The following KIF24 variants were observed in gnomAD, a reference collection of about 807,000 sequenced individuals.
The protein encoded by KIF24 is kinesin family member 24, also known as kinesin-like protein KIF24.
In KIF24, 81 loss-of-function variants were observed where a neutral mutation model predicts 118.9. That is an observed-to-expected ratio of 0.68 (90% CI 0.57 to 0.82). The LOEUF is 0.82. Among genes scored for constraint, KIF24 ranks in the 40% least tolerant of loss-of-function variants. The pLI is 0.00. For missense variants in KIF24, 1,560 were observed against 1,661.6 expected, an observed-to-expected ratio of 0.94 and a Z score of 1.06; for synonymous variants, 599 against 610.0, an observed-to-expected ratio of 0.98 and a Z score of 0.27.
chr9:34,256,370 A>G lies in KIF24; in HGVS notation c.3237T>C (p.Ser1079=). ...EQLVQDGATH[S]LVAESTGGPV... is the part of the protein sequence containing the mutation. ...GGCCCCCTGTGCTCTCTGCCACTAGACTGTGCGTAGCCCCATCCTGGACCA... is the reference window on the plus strand; with the variant it reads ...GGCCCCCTGTGCTCTCTGCCACTAGGCTGTGCGTAGCCCCATCCTGGACCA... The change falls in exon 11 of 13, where the codon AGT becomes AGC. Residue 1079 remains serine, a synonymous_variant. Coordinates refer to ENST00000402558, the MANE Select transcript of KIF24 (RefSeq NM_194313.4). 3.7e-6 allele frequency: 6 copies of G among 1,613,788 alleles called. No individual in the cohort carries two copies. Among genetic ancestry groups the G allele is most frequent in the Non-Finnish European group, 5.1e-6 (6 of 1,179,868 alleles).
chr9:34,329,735 G>A (rs1216771481), upstream of KIF24: 1 of 152,412 alleles, frequency 6.6e-6, no homozygotes, highest in Non-Finnish European at 1.5e-5. Flanking sequence ...TAAGTTGGCA[G>A]TGAGGTGTGG....
At chr9:34,269,387 G>A (rs748753133) in intron 7 of KIF24, 25 bp from the exon 8 acceptor site, 10 of 1,028,466 alleles carry the variant, frequency 9.7e-6, no homozygotes, top group Non-Finnish European at 1.5e-5. Flanking sequence ...CAGCAGGAGT[G>A]ACTTCTGTGA....
Position 34,286,372 on chromosome 9 carries a change from T to C in KIF24, c.1215+245A>G, listed in dbSNP as rs139353760. ...CAACAACAAAAAGAAACTGGCCCAG[T>C]AGTATCCTCCCAATGAATTAAGTTC... On this transcript the variant is annotated intron_variant, in intron 6 of 12. Transcript: ENST00000402558. Among the ~76,000 whole-genome samples, 1,113 of 152,124 alleles carry C rather than the reference T, an allele frequency of 7.3e-3. 14 individuals carry two copies. Among genetic ancestry groups the C allele is most frequent in the African/African-American group, 0.026 (1,060 of 41,522 alleles).
In KIF24 at chr9:34,263,111, T is replaced by G; in HGVS notation, c.1505A>C (p.Lys502Thr). The change falls in exon 9 of 13, where the codon AAA becomes ACA. Residue 502 changes from lysine to threonine, a missense_variant. Coordinates refer to ENST00000402558, the MANE Select transcript of KIF24 (RefSeq NM_194313.4). ...CACATTTAACTTTACCTGAGTTAGT[T>G]TGCTTTGCCTGAAGGGAGTATGGGT... ...EHTHTPFRQS[K>T]LTQVLKDSFI... 2.5e-6 allele frequency: 4 copies of G among 1,612,870 alleles called. No homozygotes were observed. The highest frequency in any genetic ancestry group is 1.3e-5 in the African/African-American group (1 of 75,016).
chr9:34,292,682 G>A (rs1836300455), intron 4 of KIF24, among the ~76,000 whole-genome samples: 1 of 152,210 alleles, frequency 6.6e-6, no homozygotes, highest in African/African-American at 2.4e-5. Context: ...AGACATGGGA[G>A]TTAATTAGAT....
intron 5 of KIF24, among the ~76,000 whole-genome samples, chr9:34,289,419 T>C (rs1836170253): frequency 6.6e-6 from 1 of 152,204 alleles, no homozygotes; most frequent in Admixed American, 6.5e-5. Context: ...TAGGTTTCCC[T>C]AGTCTTCCAG....
At chr9:34,261,689 A>AATAGTAGAAATCATATAGGCAATC (rs1835063389) in intron 9 of KIF24, among the ~76,000 whole-genome samples, 1 of 152,214 alleles carries the variant, frequency 6.6e-6, no homozygotes, top group African/African-American at 2.4e-5. Context: ...GTGGCTGCGT[A>AATAGTAGAAATCATATAGGCAATC]ATAGTAGAAA....
intron 1 of KIF24, among the ~76,000 whole-genome samples, chr9:34,317,132 C>A (rs1410487723): frequency 2.0e-5 from 3 of 151,952 alleles, no homozygotes; most frequent in Admixed American, 6.6e-5. Context: ...GCAGGAGAAT[C>A]ACTTGTACCG....
intron 3 of KIF24, among the ~76,000 whole-genome samples, 185 bp downstream of exon 3, chr9:34,306,067 A>C (rs541719457): frequency 6.6e-6 from 1 of 152,316 alleles, no homozygotes; most frequent in East Asian, 1.9e-4. Context: ...CTTTTGAAAA[A>C]ATGAAGGCCC....
At chr9:34,331,372 C>T (rs943132558), upstream of KIF24, among the ~76,000 whole-genome samples, 6 of 152,198 alleles carry the variant, frequency 3.9e-5, no homozygotes, top group African/African-American at 1.4e-4. Flanking sequence ...AACAACCATG[C>T]AAAGTAGGTG....
In KIF24 at chr9:34,254,469, T is replaced by G; in HGVS notation, c.4018A>C (p.Lys1340Gln). 6.2e-7 allele frequency: 1 copy of G among 1,613,960 alleles called. No homozygotes were observed. Among genetic ancestry groups the G allele is most frequent in the Non-Finnish European group, 8.5e-7 (1 of 1,179,866 alleles). Residue 1340 changes from lysine to glutamine, a missense_variant, in exon 13 of 13, where the codon AAG becomes CAG. Physicochemically the swap from Lys to Gln is moderately conservative, Grantham distance 53. Coordinates refer to ENST00000402558, the MANE Select transcript of KIF24 (RefSeq NM_194313.4). Reference sequence around the variant, plus strand: ...TGGCTCCTCAGACTCTGGATACACTTGGATTTCAGAACCATGATTTCATCC... The same window carrying G: ...TGGCTCCTCAGACTCTGGATACACTGGGATTTCAGAACCATGATTTCATCC... ...QLDEIMVLKS[K>Q]CIQSLRSQLQ... is the part of the protein sequence containing the mutation.
rs1167324406 is a variant in KIF24, at chr9:34,252,387, C to G, written c.*1993G>C. On this transcript the variant is annotated 3_prime_UTR_variant, in exon 13 of 13. Transcript: ENST00000402558. ...AACACCTAGTCATAGAAATCAGTCT[C>G]TCTGGTTTGTTTTGTATTATGTTGT... 6.6e-6 allele frequency: 1 copy of G among 152,620 alleles called. No homozygotes were observed. The highest frequency in any genetic ancestry group is 2.4e-5 in the African/African-American group (1 of 41,424). 9.5% of individuals were successfully genotyped at this position (152,620 alleles called of 1,614,324 possible). A position where few individuals can be genotyped will look rare whatever the true frequency, so the allele number is the denominator to read the frequency against.
At chr9:34,313,401 G>A (rs1338516610) in intron 1 of KIF24, among the ~76,000 whole-genome samples, 1 of 151,956 alleles carries the variant, frequency 6.6e-6, no homozygotes, top group Non-Finnish European at 1.5e-5. Context: ...AAGTTTTGAG[G>A]GTAATTTGCT....
In KIF24 at chr9:34,310,951, A is replaced by G. The variant is rs1300514956; in HGVS notation, c.396T>C (p.Thr132=). 5.6e-6 allele frequency: 9 copies of G among 1,613,822 alleles called. No individual in the cohort carries two copies. The highest frequency in any genetic ancestry group is 6.8e-6 in the Non-Finnish European group (8 of 1,179,846). The change falls in exon 2 of 13, where the codon ACT becomes ACC. Residue 132 remains threonine, a synonymous_variant. Transcript: ENST00000402558. The part of the protein sequence containing the change: ...SDFSANEQKS[T]YLKVLEHMLP... ...GCATGTGTTCTAGCACTTTTAGGTA[A>G]GTGGACTTCTGTTCATTTGCAGAGA...
Position 34,257,821 on chromosome 9 carries a change from G to A in KIF24, c.1786C>T (p.Leu596Phe). 1 of 1,614,072 alleles carries A rather than the reference G, an allele frequency of 6.2e-7. No individual in the cohort carries two copies. The highest frequency in any genetic ancestry group is 8.5e-7 in the Non-Finnish European group (1 of 1,179,906). Residue 596 changes from leucine to phenylalanine, a missense_variant, in exon 11 of 13, where the codon CTC becomes TTC. Transcript: ENST00000402558. ...KKVKLGFQQS[L>F]TVAAPGSTRG... is the part of the protein sequence containing the mutation. ...GTGGAACCAGGGGCTGCCACTGTGA[G>A]TGACTGCTGAAATCCCAGCTTGACT...
chr9:34,302,490 G>A (rs575467777), intron 3 of KIF24, among the ~76,000 whole-genome samples: 1 of 147,780 alleles, frequency 6.8e-6, no homozygotes, highest in African/African-American at 2.5e-5. Flanking sequence ...TTTTGAGACA[G>A]AGTCTCACTC....
chr9:34,328,800 A>G (rs1012431253), intron 1 of KIF24, among the ~76,000 whole-genome samples: 1 of 152,226 alleles, frequency 6.6e-6, no homozygotes, highest in Non-Finnish European at 1.5e-5. Flanking sequence ...GAAATGCCCT[A>G]AAAGAGGTGC....
At chr9:34,312,489 C>T (rs1044228704) in intron 1 of KIF24, among the ~76,000 whole-genome samples, 1 of 152,144 alleles carries the variant, frequency 6.6e-6, no homozygotes, top group Admixed American at 6.5e-5. Flanking sequence ...TTCAAAAATT[C>T]AGTTAGGTAA....
At chr9:34,267,534 A>T (rs547485326) in intron 8 of KIF24, among the ~76,000 whole-genome samples, 18 of 152,280 alleles carry the variant, frequency 1.2e-4, no homozygotes, top group African/African-American at 3.8e-4. Flanking sequence ...ACAAATGCAA[A>T]ACACATATGT....
Sources: gnomAD v4.1 joint callset for allele counts (sites outside exome capture counted in the v4.1 genomes callset) on GRCh38, gnomAD v4.1.1 for gene constraint, MANE v1.5 for transcripts, NCBI Gene and HGNC (gene_info 2026-07-23, HGNC 2026-07-21) for gene names.